Variants in INTS6 observed in about 807,000 individuals in gnomAD.
INTS6 encodes the protein integrator complex subunit 6.
INTS6 carries 16 observed loss-of-function variants against 104.9 expected under a neutral mutation model. The ratio of observed to expected loss-of-function variants is 0.15; its 90% CI spans 0.10 to 0.23. The LOEUF (loss-of-function observed/expected upper bound fraction) is 0.23. INTS6 is among the 10% of genes least tolerant of loss of function. The probability of loss-of-function intolerance (pLI) is 1.00; values close to 1 mark genes in which losing one functional copy is unlikely to be tolerated. For missense variants in INTS6, 584 were observed against 1,062.8 expected (o/e 0.55, Z 6.26); for synonymous variants, 324 against 358.7 (o/e 0.90, Z 1.09).
chr13:51,400,269 T>C (rs1282491947), intron 4 of INTS6, among the ~76,000 whole-genome samples: 1 of 152,234 alleles, frequency 6.6e-6, no homozygotes, highest in Non-Finnish European at 1.5e-5. Flanking sequence ...ATTGGATACA[T>C]TATAGTATTG....
chr13:51,437,881 T>C (rs1050156542), intron 3 of INTS6: 7 of 152,344 alleles, frequency 4.6e-5, no homozygotes, highest in African/African-American at 1.7e-4. Flanking sequence ...TGGTGGCACT[T>C]GCCTGTAATC....
intron 3 of INTS6, chr13:51,449,355 G>GT (rs1222024812): frequency 1.8e-6 from 1 of 558,848 alleles, no homozygotes; most frequent in African/African-American, 2.1e-5. Flanking sequence ...CAAACTTTTG[G>GT]TAAGCCTTAT....
intron 15 of INTS6, among the ~76,000 whole-genome samples, chr13:51,373,026 C>A (rs1347099753): frequency 6.6e-6 from 1 of 152,064 alleles, no homozygotes; most frequent in African/African-American, 2.4e-5. Flanking sequence ...TCCTTCCGTA[C>A]CCCTTTTATT....
chr13:51,429,178 T>A (rs765074138), intron 4 of INTS6, among the ~76,000 whole-genome samples: 24 of 152,194 alleles, frequency 1.6e-4, no homozygotes, highest in Non-Finnish European at 3.2e-4. Context: ...CCAATTTGTA[T>A]TCCACAATGT....
At chr13:51,404,033 G>A (rs1382259293) in intron 4 of INTS6, among the ~76,000 whole-genome samples, 1 of 144,598 alleles carries the variant, frequency 6.9e-6, no homozygotes, top group African/African-American at 2.6e-5. Context: ...GACCAGCCTG[G>A]GCAACATAGT....
intron 3 of INTS6, chr13:51,437,106 T>TA (rs1234753314): frequency 6.6e-6 from 1 of 152,070 alleles, no homozygotes; most frequent in Non-Finnish European, 1.5e-5. Context: ...AAGCATGTAA[T>TA]AAAAAACATG....
chr13:51,425,345 A>G (rs1355853035), intron 4 of INTS6, among the ~76,000 whole-genome samples: 1 of 152,068 alleles, frequency 6.6e-6, no homozygotes, highest in African/African-American at 2.4e-5. Flanking sequence ...TGAAGTTACA[A>G]AAGTAGTTGT....
intron 3 of INTS6, 36 bp downstream of exon 3, chr13:51,450,989 A>G: frequency 6.8e-7 from 1 of 1,461,350 alleles, no homozygotes; most frequent in East Asian, 2.4e-5. Context: ...ACAAAATGAA[A>G]AATCAACTAT....
intron 3 of INTS6, chr13:51,447,171 A>G (rs1394273521): frequency 6.6e-6 from 1 of 152,208 alleles, no homozygotes; most frequent in East Asian, 1.9e-4. Context: ...ATTTGAAAAG[A>G]TGTCTATAGC....
intron 4 of INTS6, among the ~76,000 whole-genome samples, chr13:51,429,054 T>C (rs1957035578): frequency 6.6e-6 from 1 of 152,192 alleles, no homozygotes; most frequent in South Asian, 2.1e-4. Context: ...GCAAATGTTA[T>C]TCTCTTTATT....
intron 4 of INTS6, among the ~76,000 whole-genome samples, chr13:51,412,612 C>T (rs1956708483): frequency 6.6e-6 from 1 of 152,166 alleles, no homozygotes; most frequent in African/African-American, 2.4e-5. Flanking sequence ...GGAGAATAAC[C>T]TGTATGTGCA....
downstream of INTS6, among the ~76,000 whole-genome samples, chr13:51,358,944 C>T (rs998215698): frequency 6.6e-5 from 10 of 150,614 alleles, no homozygotes; most frequent in African/African-American, 1.7e-4. Flanking sequence ...TATGGTTAAA[C>T]GCTATGTATT....
In INTS6 at chr13:51,400,089, A is replaced by G. The variant is rs562618258; in HGVS notation, c.430-4606T>C. On this transcript the variant is annotated intron_variant, in intron 4 of 17. Transcript: ENST00000311234. ...GCATGAACCCTATTGTGAACTGCAC[A>G]TGCAAGGAATCTAGGTTGTGCGCTC... 1.7e-4 allele frequency among the ~76,000 whole-genome samples: 26 copies of G among 152,348 alleles called. 1 individual carries two copies. The South Asian group carries it at 5.4e-3, about 32-fold the overall frequency.
chr13:51,379,839 A>C (rs1306581445), intron 10 of INTS6, among the ~76,000 whole-genome samples: 1 of 152,108 alleles, frequency 6.6e-6, no homozygotes, highest in Non-Finnish European at 1.5e-5. Flanking sequence ...CACTGGGAGA[A>C]ACTAGGTTTG....
intron 4 of INTS6, among the ~76,000 whole-genome samples, chr13:51,411,274 C>T (rs940227839): frequency 6.6e-6 from 1 of 151,128 alleles, no homozygotes; most frequent in African/African-American, 2.4e-5. Flanking sequence ...AGCACATGGG[C>T]CAGGTGCAGT....
At chr13:51,393,086 T>C (rs1167972572) in intron 5 of INTS6, among the ~76,000 whole-genome samples, 8 of 151,020 alleles carry the variant, frequency 5.3e-5, no homozygotes, top group Admixed American at 5.3e-4. Flanking sequence ...TTTTTTTTTT[T>C]TTTTTTTGTG....
chr13:51,383,987 A>G (rs1956095197), intron 7 of INTS6: 1 of 278,266 alleles, frequency 3.6e-6, no homozygotes, highest in Non-Finnish European at 6.7e-6. Flanking sequence ...TCTTACGCAA[A>G]ATTTAGTAAT....
At chr13:51,342,178 CA>C in the INTS6 span, among the ~76,000 whole-genome samples, 4,476 of 63,624 alleles carry the variant, frequency 0.07, 66 homozygotes, top group South Asian at 0.12. Context: ...AAAGACAGAA[CA>C]AAAAAAAAAA....
chr13:51,390,445 A>G (rs1028759645), intron 5 of INTS6, among the ~76,000 whole-genome samples: 1 of 151,974 alleles, frequency 6.6e-6, no homozygotes, highest in African/African-American at 2.4e-5. Context: ...TTTTTATTAC[A>G]TATGAAATTT....
Sources: allele counts gnomAD v4.1 joint callset (sites outside exome capture counted in the v4.1 genomes callset), GRCh38; gene constraint gnomAD v4.1.1; transcripts MANE v1.5; gene names NCBI Gene and HGNC (gene_info 2026-07-23, HGNC 2026-07-21).